Variants in ATP2B4 observed in about 807,000 individuals in gnomAD.
ATP2B4 encodes the protein plasma membrane calcium-transporting ATPase 4.
A neutral mutation model predicts 110.3 loss-of-function variants in ATP2B4; 39 were observed. The ratio of observed to expected loss-of-function variants is 0.35; its 90% CI spans 0.27 to 0.46. The LOEUF (loss-of-function observed/expected upper bound fraction) is 0.46, where lower values mean the gene tolerates loss of function less well. Among genes scored for constraint, ATP2B4 ranks in the 20% least tolerant of loss-of-function variants. The probability of loss-of-function intolerance (pLI) is 1.00; values close to 1 mark genes in which losing one functional copy is unlikely to be tolerated. For missense variants in ATP2B4, 1,135 were observed against 1,530.9 expected (o/e 0.74, Z 4.32); for synonymous variants, 538 against 571.7 (o/e 0.94, Z 0.84).
intron 2 of ATP2B4, among the ~76,000 whole-genome samples, chr1:203,689,274 A>G (rs1468407706): frequency 6.6e-6 from 1 of 152,196 alleles, no homozygotes; most frequent in East Asian, 1.9e-4. Context: ...TGTGTGAAGG[A>G]AAAAGGGATG....
At chr1:203,659,763 G>A (rs1467044531) in intron 1 of ATP2B4, among the ~76,000 whole-genome samples, 1 of 152,128 alleles carries the variant, frequency 6.6e-6, no homozygotes, top group Non-Finnish European at 1.5e-5. Flanking sequence ...CAGCCTGGTT[G>A]GCAGGGTGAG....
rs1160984620 is a variant in ATP2B4 at position 203,742,407 on chromosome 1, A to G, written c.*2553A>G. The G allele has an allele frequency of 1.3e-5, 2 of 152,634 alleles. No homozygotes were observed. The highest frequency in any genetic ancestry group is 4.8e-5 in the African/African-American group (2 of 41,452). The allele number at this position is 152,634 out of a possible 1,614,324, so 9.5% of individuals were successfully genotyped here. A position where few individuals can be genotyped will look rare whatever the true frequency, so the allele number is the denominator to read the frequency against. ...GTGTCTATGTGCATATGTTTTTTAT[A>G]TAAGTTTTTTCTATTCAGTTTCACT... On this transcript the variant is annotated 3_prime_UTR_variant, in exon 21 of 21. Transcript: ENST00000357681.
chr1:203,663,578 C>A lies in ATP2B4; in HGVS notation c.-464-19164C>A, dbSNP rs191750726. 1.6e-4 allele frequency among the ~76,000 whole-genome samples: 25 copies of A among 152,108 alleles called. No individual in the cohort carries two copies. The East Asian group carries it at 4.4e-3, about 27-fold the overall frequency. ...TGTCCTGGGTTGGGCCTAGAATTAT[C>A]CCACTATTTTCTACAGGCTGCTCTC... On this transcript the variant is annotated intron_variant, in intron 1 of 20. Coordinates refer to ENST00000357681, the MANE Select transcript of ATP2B4 (RefSeq NM_001684.5).
intron 1 of ATP2B4, among the ~76,000 whole-genome samples, chr1:203,642,925 C>T (rs78824440): frequency 1.8e-3 from 268 of 152,282 alleles, no homozygotes; most frequent in Admixed American, 4.0e-3. Flanking sequence ...GGGTAGTCAT[C>T]GAATTTTAAT....
chr1:203,646,260 C>G (rs1380066644), intron 1 of ATP2B4, among the ~76,000 whole-genome samples: 1 of 151,748 alleles, frequency 6.6e-6, no homozygotes, highest in East Asian at 1.9e-4. Flanking sequence ...AGATAAAATA[C>G]TTTTATCCAA....
intron 20 of ATP2B4, among the ~76,000 whole-genome samples, chr1:203,734,510 C>A (rs1379630497): frequency 6.6e-6 from 1 of 152,060 alleles, no homozygotes; most frequent in African/African-American, 2.4e-5. Flanking sequence ...AGTTCAAGAC[C>A]TGCCTGGCCA....
intron 1 of ATP2B4, among the ~76,000 whole-genome samples, chr1:203,672,502 A>T (rs1664704102): frequency 6.6e-6 from 1 of 152,088 alleles, no homozygotes; most frequent in Non-Finnish European, 1.5e-5. Flanking sequence ...GCGACTGTTT[A>T]TAACAGCTTG....
chr1:203,669,836 A>ATTAAT (rs1664608825), intron 1 of ATP2B4, among the ~76,000 whole-genome samples: 1 of 152,240 alleles, frequency 6.6e-6, no homozygotes, highest in Non-Finnish European at 1.5e-5. Flanking sequence ...AGGTTAGGCC[A>ATTAAT]GGCTCTGGAG....
chr1:203,650,701 G>A lies in ATP2B4; in HGVS notation c.-465+23482G>A, dbSNP rs997303774. Among the ~76,000 whole-genome samples, 4 of 152,264 alleles carry A rather than the reference G, an allele frequency of 2.6e-5. No individual in the cohort carries two copies. In the South Asian group the frequency reaches 6.2e-4, roughly 24 times the overall value. On this transcript the variant is annotated intron_variant, in intron 1 of 20. Transcript: ENST00000357681. ...GGGCGAGCGAGGCTGCCACACCCCC[G>A]GGACTCGCTGGTGCGAGGCTCAGCA... is the stretch of plus-strand genomic sequence containing the variant.
chr1:203,643,914 G>T (rs535167466), intron 1 of ATP2B4, among the ~76,000 whole-genome samples: 1 of 152,204 alleles, frequency 6.6e-6, no homozygotes. Context: ...TATACTCGGT[G>T]TTTAGCACAG....
At chr1:203,677,547 C>T (rs1664864974) in intron 1 of ATP2B4, among the ~76,000 whole-genome samples, 3 of 152,214 alleles carry the variant, frequency 2.0e-5, no homozygotes, top group Admixed American at 1.3e-4. Context: ...ACTGTAGCCT[C>T]TGCCTCCCAG....
rs542808156 is a variant in ATP2B4 at position 203,657,984 on chromosome 1, G to A, written c.-464-24758G>A. 5.9e-5 allele frequency among the ~76,000 whole-genome samples: 9 copies of A among 152,194 alleles called. No homozygotes were observed. In the South Asian group the frequency reaches 6.2e-4, roughly 11 times the overall value. ...CTCCCAAAGTGCTAGGATTACAGGC[G>A]TGAACCACGGCCGATCATTAGCATT... On this transcript the variant is annotated intron_variant, in intron 1 of 20. Transcript: ENST00000357681.
At chr1:203,708,136 T>G in intron 10 of ATP2B4, 32 bp downstream of exon 10, 1 of 1,610,160 alleles carries the variant, frequency 6.2e-7, no homozygotes, top group Non-Finnish European at 8.5e-7. Flanking sequence ...ACACTTAGAG[T>G]GGGTGGTTGG....
intron 1 of ATP2B4, among the ~76,000 whole-genome samples, chr1:203,677,324 T>A (rs1032039950): frequency 1.1e-4 from 16 of 152,264 alleles, no homozygotes; most frequent in Middle Eastern, 3.4e-3. Flanking sequence ...ACAAATATTT[T>A]TTTCCCAACC....
intron 1 of ATP2B4, among the ~76,000 whole-genome samples, chr1:203,650,369 T>G (rs529196618): frequency 6.6e-6 from 1 of 152,082 alleles, no homozygotes; most frequent in East Asian, 1.9e-4. Flanking sequence ...TGTGATGTGG[T>G]GGGGGACAGG....
chr1:203,660,537 C>T (rs1032926711), intron 1 of ATP2B4, among the ~76,000 whole-genome samples: 1 of 152,060 alleles, frequency 6.6e-6, no homozygotes, highest in African/African-American at 2.4e-5. Flanking sequence ...CACAGTGGCT[C>T]ACGCCTGTAA....
chr1:203,671,281 C>T (rs968755468), intron 1 of ATP2B4, among the ~76,000 whole-genome samples: 37 of 152,298 alleles, frequency 2.4e-4, no homozygotes, highest in African/African-American at 8.7e-4. Flanking sequence ...TGATTAATTA[C>T]CACATTGACT....
intron 1 of ATP2B4, among the ~76,000 whole-genome samples, chr1:203,676,874 G>A (rs1477952487): frequency 6.6e-6 from 1 of 152,134 alleles, no homozygotes; most frequent in Non-Finnish European, 1.5e-5. Context: ...AAAAAGCTTT[G>A]AGTCTATCCC....
At chr1:203,697,506 A>G (rs1665566977) in intron 2 of ATP2B4, among the ~76,000 whole-genome samples, 1 of 152,224 alleles carries the variant, frequency 6.6e-6, no homozygotes, top group African/African-American at 2.4e-5. Context: ...AGTAGCAGAT[A>G]AGATTTTATG....
Sources: allele counts gnomAD v4.1 joint callset (sites outside exome capture counted in the v4.1 genomes callset), GRCh38; gene constraint gnomAD v4.1.1; transcripts MANE v1.5; gene names NCBI Gene and HGNC (gene_info 2026-07-23, HGNC 2026-07-21).